The following PTGFR variants were observed in gnomAD, a reference collection of about 807,000 sequenced individuals.
PTGFR encodes prostaglandin F receptor.
In PTGFR, 15 loss-of-function variants were observed where a neutral mutation model predicts 26.2. The observed-to-expected ratio is 0.57, with a 90% CI of 0.38 to 0.88. PTGFR has a LOEUF of 0.88. PTGFR is among the 40% of genes least tolerant of loss of function. PTGFR has a pLI of 0.00. For synonymous variants in PTGFR, 165 were observed against 151.1 expected (o/e 1.09, Z -0.68); for missense variants, 369 against 427.2 (o/e 0.86, Z 1.20).
rs549196400 is a variant in PTGFR, at chr1:78,529,655, G to A, written c.799-6751G>A. On this transcript the variant is annotated intron_variant, in intron 2 of 2. Transcript: ENST00000370757. ...CCAAGGAATAGAAATAATAAAATAA[G>A]GATAACTCTTGGGTGAATACAAAAG... Among the ~76,000 whole-genome samples, 35 of 152,164 alleles carry A rather than the reference G, an allele frequency of 2.3e-4. 1 individual carries two copies. In the South Asian group the frequency reaches 7.3e-3, roughly 32 times the overall value.
At chr1:78,516,078 T>G (rs1412065261) in intron 2 of PTGFR, among the ~76,000 whole-genome samples, 1 of 152,166 alleles carries the variant, frequency 6.6e-6, no homozygotes, top group Non-Finnish European at 1.5e-5. Context: ...AATTCTTGCT[T>G]AAGAATTTTT....
At chr1:78,536,178 T>C (rs1450786075) in intron 2 of PTGFR, among the ~76,000 whole-genome samples, 1 of 152,174 alleles carries the variant, frequency 6.6e-6, no homozygotes, top group Non-Finnish European at 1.5e-5. Context: ...ATATTTGACT[T>C]ACTATAGAAG....
rs777582038 is a variant in PTGFR at position 78,536,387 on chromosome 1, G to C, written c.799-19G>C. On this transcript the variant is annotated intron_variant, in intron 2 of 2. Transcript: ENST00000370757. Reference sequence around the variant, plus strand: ...GAAAAGGCTGCATCAACTAATTTCCGTGTTTTCTTCGTTTCTAGGTTACAA... The same window carrying C: ...GAAAAGGCTGCATCAACTAATTTCCCTGTTTTCTTCGTTTCTAGGTTACAA... The C allele has an allele frequency of 1.3e-6, 2 of 1,588,542 alleles. No individual in the cohort carries two copies. The highest frequency in any genetic ancestry group is 3.4e-4 in the Middle Eastern group (2 of 5,896).
At chr1:78,522,602 CTGTTTTGTTT>C (rs1650273938) in intron 2 of PTGFR, among the ~76,000 whole-genome samples, 1 of 151,936 alleles carries the variant, frequency 6.6e-6, no homozygotes, top group Non-Finnish European at 1.5e-5. Context: ...TATTGTTGTT[CTGTTTTGTTT>C]TGTTTTAGGC....
intron 2 of PTGFR, among the ~76,000 whole-genome samples, chr1:78,497,459 T>A (rs1452561072): frequency 6.6e-6 from 1 of 152,186 alleles, no homozygotes; most frequent in Non-Finnish European, 1.5e-5. Context: ...ATTCTCCTGA[T>A]GTCTCTATTG....
chr1:78,536,217 T>C (rs942147553), intron 2 of PTGFR, among the ~76,000 whole-genome samples, 189 bp from the exon 3 acceptor site: 28 of 152,140 alleles, frequency 1.8e-4, no homozygotes, highest in African/African-American at 6.8e-4. Flanking sequence ...TAATGTCAAT[T>C]TGAATTAAAA....
At chr1:78,499,196 T>A (rs1649636642) in intron 2 of PTGFR, among the ~76,000 whole-genome samples, 1 of 152,166 alleles carries the variant, frequency 6.6e-6, no homozygotes, top group Admixed American at 6.5e-5. Context: ...GACATTCACG[T>A]GACTCTCTCC....
chr1:78,511,425 C>T lies in PTGFR; in HGVS notation c.798+17884C>T, dbSNP rs544787732. Among the ~76,000 whole-genome samples the T allele has an allele frequency of 2.2e-4, 33 of 152,202 alleles. No homozygotes were observed. In the East Asian group the frequency reaches 6.4e-3, roughly 29 times the overall value. ...TGCCAAGGCTTATGGCTCGTGCCCT[C>T]AGGAGTGGTGGCAGGAGATTTACCT... On this transcript the variant is annotated intron_variant, in intron 2 of 2. Transcript: ENST00000370757.
chr1:78,491,787 A>AT (rs1480449543), intron 1 of PTGFR, among the ~76,000 whole-genome samples: 1 of 152,198 alleles, frequency 6.6e-6, no homozygotes, highest in Non-Finnish European at 1.5e-5. Context: ...TGGCTCCGGA[A>AT]TTCCCAGCCT....
intron 2 of PTGFR, among the ~76,000 whole-genome samples, chr1:78,534,329 G>A (rs1048890399): frequency 2.6e-5 from 4 of 152,108 alleles, no homozygotes; most frequent in Admixed American, 2.6e-4. Flanking sequence ...TGCTTTTGTC[G>A]AACCAGCTTG....
chr1:78,502,186 G>A (rs904366602), intron 2 of PTGFR, among the ~76,000 whole-genome samples: 5 of 152,166 alleles, frequency 3.3e-5, no homozygotes, highest in African/African-American at 1.2e-4. Context: ...CTGATAATTT[G>A]TGAGGTATTA....
intron 2 of PTGFR, among the ~76,000 whole-genome samples, chr1:78,504,353 G>A (rs1349077022): frequency 6.6e-6 from 1 of 152,104 alleles, no homozygotes. Flanking sequence ...TTGATTAATA[G>A]AGTAGTTAAA....
chr1:78,508,669 G>A (rs1375045917), intron 2 of PTGFR, among the ~76,000 whole-genome samples: 1 of 152,192 alleles, frequency 6.6e-6, no homozygotes, highest in South Asian at 2.1e-4. Flanking sequence ...TATATGTGGT[G>A]TTTCTAACTG....
chr1:78,532,418 G>GTATA (rs1650537419), intron 2 of PTGFR: 9 of 108,274 alleles, frequency 8.3e-5, no homozygotes, highest in South Asian at 6.2e-4. Flanking sequence ...GTATATATAT[G>GTATA]TGTGTATATA....
At chr1:78,496,687 T>C (rs1649560988) in intron 2 of PTGFR, among the ~76,000 whole-genome samples, 1 of 152,224 alleles carries the variant, frequency 6.6e-6, no homozygotes, top group South Asian at 2.1e-4. Context: ...TTGAAATGTA[T>C]AAATTGAAAT....
chr1:78,498,506 C>T (rs1649613550), intron 2 of PTGFR, among the ~76,000 whole-genome samples: 1 of 152,136 alleles, frequency 6.6e-6, no homozygotes, highest in African/African-American at 2.4e-5. Flanking sequence ...CAAATACACA[C>T]ATAAATGTTA....
At chr1:78,533,403 C>T (rs501078) in intron 2 of PTGFR, among the ~76,000 whole-genome samples, 60,559 of 151,992 alleles carry the variant, frequency 0.4, 14,003 homozygotes, top group African/African-American at 0.64. Flanking sequence ...CTGGACTAGA[C>T]AACATTTTCC....
intron 2 of PTGFR, among the ~76,000 whole-genome samples, chr1:78,517,264 T>C (rs903274366): frequency 6.6e-6 from 1 of 152,130 alleles, no homozygotes; most frequent in Non-Finnish European, 1.5e-5. Flanking sequence ...TAAGATACTG[T>C]TCTAGATGCT....
At chr1:78,526,996 G>A (rs1046625910) in intron 2 of PTGFR, among the ~76,000 whole-genome samples, 6 of 152,032 alleles carry the variant, frequency 3.9e-5, no homozygotes, top group Admixed American at 3.9e-4. Flanking sequence ...TCTCTCTAGT[G>A]GACCACTTTG....
Sources: allele counts gnomAD v4.1 joint callset (sites outside exome capture counted in the v4.1 genomes callset), GRCh38; gene constraint gnomAD v4.1.1; transcripts MANE v1.5; gene names NCBI Gene and HGNC (gene_info 2026-07-23, HGNC 2026-07-21).